The following ARHGAP32 variants were observed in gnomAD, a reference collection of about 807,000 sequenced individuals.
ARHGAP32 encodes the protein rho GTPase-activating protein 32.
A neutral mutation model predicts 186.5 loss-of-function variants in ARHGAP32; 51 were observed. The observed-to-expected ratio is 0.27, with a 90% CI of 0.22 to 0.35. The LOEUF (loss-of-function observed/expected upper bound fraction) is 0.35. ARHGAP32 is among the 10% of genes least tolerant of loss of function. ARHGAP32 has a pLI of 1.00. For synonymous variants in ARHGAP32, 950 were observed against 964.3 expected (o/e 0.99, Z 0.27); for missense variants, 2,186 against 2,623.5 (o/e 0.83, Z 3.64).
At chr11:129,163,544 C>T (rs1320825807) in intron 2 of ARHGAP32, among the ~76,000 whole-genome samples, 5 of 152,062 alleles carry the variant, frequency 3.3e-5, no homozygotes, top group Non-Finnish European at 7.4e-5. Flanking sequence ...TCATCTCATA[C>T]TCTTATTACC....
chr11:129,268,856 A>G (rs1316951783), intron 1 of ARHGAP32, among the ~76,000 whole-genome samples: 3 of 152,066 alleles, frequency 2.0e-5, no homozygotes, highest in Non-Finnish European at 2.9e-5. Context: ...TCCATTTCTA[A>G]AAGTGACTCT....
At chr11:129,107,168 T>C (rs1942070261) in intron 5 of ARHGAP32, among the ~76,000 whole-genome samples, 1 of 152,184 alleles carries the variant, frequency 6.6e-6, no homozygotes, top group Non-Finnish European at 1.5e-5. Context: ...TTTAAAATAC[T>C]GAAAGAAAAA....
chr11:129,226,961 A>G (rs1944793354), intron 1 of ARHGAP32, among the ~76,000 whole-genome samples: 2 of 152,118 alleles, frequency 1.3e-5, no homozygotes. Context: ...TACATAGGTA[A>G]GTATGAATGA....
chr11:129,265,261 G>A (rs776650272), intron 1 of ARHGAP32, among the ~76,000 whole-genome samples: 3 of 152,046 alleles, frequency 2.0e-5, no homozygotes, highest in African/African-American at 2.4e-5. Flanking sequence ...AAACACAAAC[G>A]CACTCAAAGT....
At chr11:129,190,215 C>T (rs1375407451) in intron 1 of ARHGAP32, among the ~76,000 whole-genome samples, 1 of 152,188 alleles carries the variant, frequency 6.6e-6, no homozygotes, top group Non-Finnish European at 1.5e-5. Context: ...CTTCCCCTTC[C>T]ACACCCATGC....
At chr11:129,229,372 T>C (rs1944828224) in intron 1 of ARHGAP32, among the ~76,000 whole-genome samples, 1 of 152,066 alleles carries the variant, frequency 6.6e-6, no homozygotes, top group Admixed American at 6.5e-5. Context: ...TATATACAAA[T>C]TATATTATTT....
chr11:129,242,583 TGGCG>T (rs1945033468), intron 1 of ARHGAP32, among the ~76,000 whole-genome samples: 2 of 151,732 alleles, frequency 1.3e-5, no homozygotes, highest in African/African-American at 4.8e-5. Context: ...CCGGGCGTGG[TGGCG>T]GGCGCCTGTA....
chr11:129,044,278 G>T (rs1291757861), intron 10 of ARHGAP32, among the ~76,000 whole-genome samples: 2 of 152,168 alleles, frequency 1.3e-5, no homozygotes, highest in Non-Finnish European at 2.9e-5. Flanking sequence ...AAAATGCATT[G>T]ATTTGTTAAC....
chr11:129,145,082 C>G (rs1040091802), intron 2 of ARHGAP32, among the ~76,000 whole-genome samples: 5 of 152,042 alleles, frequency 3.3e-5, no homozygotes, highest in African/African-American at 1.2e-4. Context: ...ATTAAAGATA[C>G]TCCTAAATTC....
At chr11:129,058,247 T>TAA (rs1239232157) in intron 10 of ARHGAP32, among the ~76,000 whole-genome samples, 2 of 151,442 alleles carry the variant, frequency 1.3e-5, no homozygotes, top group African/African-American at 4.9e-5. Context: ...TCTATATATA[T>TAA]ATATATCTCA....
chr11:129,086,694 G>T lies in ARHGAP32; in HGVS notation c.531+6927C>A, dbSNP rs192814278. 1.2e-4 allele frequency among the ~76,000 whole-genome samples: 18 copies of T among 151,966 alleles called. No homozygotes were observed. The East Asian group carries it at 3.5e-3, about 30-fold the overall frequency. ...AAATTAGCCGGGCGTGGTGGTGGGC[G>T]CCTGTAGTCCCAGCTACTCAGAAGG... On this transcript the variant is annotated intron_variant, in intron 6 of 22. Transcript: ENST00000682385.
At chr11:128,981,663 T>A (rs958980427) in intron 16 of ARHGAP32, 102 bp from the exon 17 acceptor site, 1 of 1,337,166 alleles carries the variant, frequency 7.5e-7, no homozygotes, top group African/African-American at 1.5e-5. Flanking sequence ...GAAGAAATCA[T>A]ACTTTTACTG....
chr11:129,115,426 T>G (rs1942340289), intron 5 of ARHGAP32, among the ~76,000 whole-genome samples: 1 of 152,164 alleles, frequency 6.6e-6, no homozygotes, highest in Non-Finnish European at 1.5e-5. Context: ...CTAAGAGTTT[T>G]TCTTCCCAGA....
upstream of ARHGAP32, among the ~76,000 whole-genome samples, chr11:129,194,791 G>A (rs1038163345): frequency 6.6e-6 from 1 of 151,758 alleles, no homozygotes; most frequent in Non-Finnish European, 1.5e-5. Context: ...TTTTCACTAT[G>A]TCATGCACAT....
At chr11:129,183,607 T>C (rs1944098585) in intron 1 of ARHGAP32, among the ~76,000 whole-genome samples, 1 of 152,120 alleles carries the variant, frequency 6.6e-6, no homozygotes, top group Non-Finnish European at 1.5e-5. Context: ...TTCTAACTAG[T>C]TATTGTTTGA....
chr11:129,182,204 C>T (rs975966884), intron 1 of ARHGAP32, among the ~76,000 whole-genome samples: 4 of 152,094 alleles, frequency 2.6e-5, no homozygotes, highest in African/African-American at 9.7e-5. Context: ...TTCCAATCTA[C>T]TGCTATTACA....
intron 10 of ARHGAP32, among the ~76,000 whole-genome samples, chr11:129,054,069 A>C (rs968707366): frequency 1.3e-5 from 2 of 152,102 alleles, no homozygotes; most frequent in South Asian, 2.1e-4. Context: ...TTGAGGTAAA[A>C]AAAAAAAACT....
chr11:129,000,110 G>T lies in ARHGAP32; in HGVS notation c.1046-1642C>A, dbSNP rs192374338. Among the ~76,000 whole-genome samples the T allele has an allele frequency of 2.0e-5, 3 of 152,156 alleles. No individual in the cohort carries two copies. In the East Asian group the frequency reaches 5.8e-4, roughly 29 times the overall value. Reference sequence around the variant, plus strand: ...ACAGAACACACTTGTCAACCTAATGGCTATATAAATACAAAACACACACCC... The same window carrying T: ...ACAGAACACACTTGTCAACCTAATGTCTATATAAATACAAAACACACACCC... On this transcript the variant is annotated intron_variant, in intron 11 of 22. Transcript: ENST00000682385.
At position 128,994,534 on chromosome 11, in the gene ARHGAP32, G is replaced by T. The variant is rs574464536; in HGVS notation, c.1195+3785C>A. Reference sequence around the variant, plus strand: ...TAAACGTGCCATGTTGCCCAGGCTGGTCTCAAACCCCTAGGCTCAGGTGCT... The same window carrying T: ...TAAACGTGCCATGTTGCCCAGGCTGTTCTCAAACCCCTAGGCTCAGGTGCT... On this transcript the variant is annotated intron_variant, in intron 12 of 22. Coordinates refer to ENST00000682385, the MANE Select transcript of ARHGAP32 (RefSeq NM_001378024.1). Among the ~76,000 whole-genome samples the T allele has an allele frequency of 2.0e-5, 3 of 151,822 alleles. No homozygotes were observed. In the East Asian group the frequency reaches 5.8e-4, roughly 29 times the overall value.
Sources: gnomAD v4.1 joint callset for allele counts (sites outside exome capture counted in the v4.1 genomes callset) on GRCh38, gnomAD v4.1.1 for gene constraint, MANE v1.5 for transcripts, NCBI Gene and HGNC (gene_info 2026-07-23, HGNC 2026-07-21) for gene names.